Variants in SF3B3 observed in about 807,000 individuals in gnomAD.
The protein encoded by SF3B3 is splicing factor 3b subunit 3.
A neutral mutation model predicts 139.2 loss-of-function variants in SF3B3; 33 were observed. The observed-to-expected ratio is 0.24, with a 90% confidence interval of 0.18 to 0.32. The LOEUF (loss-of-function observed/expected upper bound fraction) is 0.32. SF3B3 is among the 10% of genes least tolerant of loss of function. The pLI is 1.00. For missense variants in SF3B3, 818 were observed against 1,509.4 expected (o/e 0.54, Z 7.59); for synonymous variants, 596 against 563.6 (o/e 1.06, Z -0.81).
In SF3B3 at chr16:70,568,377, G is replaced by A. The variant is rs200662374; in HGVS notation, c.3047G>A (p.Arg1016His). 53 of 1,613,678 alleles carry A rather than the reference G, an allele frequency of 3.3e-5. No individual in the cohort carries two copies. The highest frequency in any genetic ancestry group is 2.2e-5 in the East Asian group (1 of 44,890). The change falls in exon 22 of 26, where the codon CGT becomes CAT. Residue 1016 changes from arginine to histidine, a missense_variant. Arg to His is a conservative substitution (Grantham distance 29). Coordinates refer to ENST00000302516, the MANE Select transcript of SF3B3 (RefSeq NM_012426.5). Reference sequence around the variant, plus strand: ...AGTTTCATCTGGGTTCGCTACAAGCGTAATGAAAACCAGCTTATCATCTTT... The same window carrying A: ...AGTTTCATCTGGGTTCGCTACAAGCATAATGAAAACCAGCTTATCATCTTT... Reference protein sequence around the residue: ...QESFIWVRYKRNENQLIIFAD... With the variant: ...QESFIWVRYKHNENQLIIFAD...
Position 70,535,406 on chromosome 16 carries a change from A to G in SF3B3, c.811A>G (p.Ile271Val), listed in dbSNP as rs963460818. Residue 271 changes from isoleucine (I) to valine (V), a missense_variant, in exon 6 of 26, where the codon ATT (isoleucine) becomes GTT (valine). Transcript: ENST00000302516. ...FGDQPDIRCP[I>V]PRRRNDLDDP... Reference sequence around the variant, plus strand: ...TGACCAGCCAGATATCCGCTGTCCAATTCCCAGGAGGCGGGTAAGATCTTT... The same window carrying G: ...TGACCAGCCAGATATCCGCTGTCCAGTTCCCAGGAGGCGGGTAAGATCTTT... 3.1e-6 allele frequency: 5 copies of G among 1,599,354 alleles called. No individual in the cohort carries two copies. The highest frequency in any genetic ancestry group is 4.3e-6 in the Non-Finnish European group (5 of 1,168,480).
intron 10 of SF3B3, among the ~76,000 whole-genome samples, chr16:70,547,052 T>A (rs551323705): frequency 3.1e-4 from 47 of 152,192 alleles, no homozygotes; most frequent in African/African-American, 1.1e-3. Context: ...TTTTTTTAAA[T>A]TGTTGAACGT....
At chr16:70,537,101 G>A (rs115700401) in intron 6 of SF3B3, among the ~76,000 whole-genome samples, 4,841 of 152,120 alleles carry the variant, frequency 0.032, 287 homozygotes, top group African/African-American at 0.11. Flanking sequence ...GAGCCACTGC[G>A]CCTGGCCAGC....
rs557067501 is a variant in SF3B3, at chr16:70,527,672, C to A, written c.70+946C>A. On this transcript the variant is annotated intron_variant, in intron 2 of 25. Coordinates refer to ENST00000302516, the MANE Select transcript of SF3B3 (RefSeq NM_012426.5). ...GAATTTGGAGATTTGTGACTGACTTCACTATGTAATGCAATGAATCTCAGC... is the reference window on the plus strand; with the variant it reads ...GAATTTGGAGATTTGTGACTGACTTAACTATGTAATGCAATGAATCTCAGC... Among the ~76,000 whole-genome samples, 130 of 152,346 alleles carry A rather than the reference C, an allele frequency of 8.5e-4. 2 individuals carry two copies. The highest frequency in any genetic ancestry group is 8.4e-3 in the Admixed American group (128 of 15,284).
In SF3B3 at chr16:70,571,771, G is replaced by C. The variant is rs756163133; in HGVS notation, c.3612G>C (p.Val1204=). The C allele has an allele frequency of 6.2e-7, 1 of 1,613,974 alleles. No individual in the cohort carries two copies. Among genetic ancestry groups the C allele is most frequent in the African/African-American group, 1.3e-5 (1 of 74,884 alleles). The change falls in exon 26 of 26, where the codon GTG becomes GTC. Residue 1204 remains valine, a synonymous_variant. Coordinates refer to ENST00000302516, the MANE Select transcript of SF3B3 (RefSeq NM_012426.5). The part of the protein sequence containing the change: ...SEELDRTPPE[V]SKKLEDIRTR... Reference sequence around the variant, plus strand: ...AACTGGACCGAACCCCACCCGAAGTGTCCAAGAAACTCGAGGATATCCGGA... The same window carrying C: ...AACTGGACCGAACCCCACCCGAAGTCTCCAAGAAACTCGAGGATATCCGGA...
chr16:70,538,541 A>T, intron 7 of SF3B3, 81 bp downstream of exon 7: 1 of 1,256,054 alleles, frequency 8.0e-7, no homozygotes, highest in South Asian at 1.4e-5. Flanking sequence ...CAAGTTAAAA[A>T]AATGAGAACT....
Position 70,571,761 on chromosome 16 carries a change from C to T in SF3B3, c.3602C>T (p.Pro1201Leu). 1 of 1,614,166 alleles carries T rather than the reference C, an allele frequency of 6.2e-7. No homozygotes were observed. Among genetic ancestry groups the T allele is most frequent in the Non-Finnish European group, 8.5e-7 (1 of 1,180,022 alleles). ...GTCTCTGAAGAACTGGACCGAACCC[C>T]ACCCGAAGTGTCCAAGAAACTCGAG... ...KNVSEELDRT[P>L]PEVSKKLEDI... Residue 1201 changes from proline to leucine, a missense_variant, in exon 26 of 26, where the codon CCA (proline) becomes CTA (leucine). By Grantham distance (98) the Pro-to-Leu change is moderately conservative. This residue lies in a region of SF3B3 where 28 missense variants were observed against 59.1 expected (regional missense o/e 0.47). Transcript: ENST00000302516.
In SF3B3 at chr16:70,567,690, G is replaced by GT. The variant is rs555414721; in HGVS notation, c.2952+160dup. Reference sequence around the variant, plus strand: ...TTCAGAATTATGCCCTTGTTTTTTTGTTTTTTGGTTTTTGAGACGGAGTCT... The same window carrying GT: ...TTCAGAATTATGCCCTTGTTTTTTTGTTTTTTTGGTTTTTGAGACGGAGTCT... On this transcript the variant is annotated intron_variant, in intron 21 of 25. Transcript: ENST00000302516. The GT allele has an allele frequency of 1.6e-3, 1,623 of 1,022,952 alleles. 5 individuals are homozygous for GT. The highest frequency in any genetic ancestry group is 1.9e-3 in the South Asian group (99 of 52,018). The allele number at this position is 1,022,952 out of a possible 1,614,324, so 63.4% of individuals were successfully genotyped here.
At chr16:70,556,451 C>T in intron 14 of SF3B3, 117 bp downstream of exon 14, 2 of 1,138,174 alleles carry the variant, frequency 1.8e-6, no homozygotes, top group East Asian at 2.4e-5. Context: ...TGGGTTAGAA[C>T]CCAGAATCCA....
chr16:70,570,104 C>G lies in SF3B3; in HGVS notation c.3363C>G (p.Thr1121=). ...GCTCAGAATCACTTGTCTATACCAC[C>G]TTGTCTGGAGGAATTGGCATCCTTG... ...PGGSESLVYT[T]LSGGIGILVP... Residue 1121 remains threonine (T), a synonymous_variant, in exon 24 of 26, where the codon ACC becomes ACG. Coordinates refer to ENST00000302516, the MANE Select transcript of SF3B3 (RefSeq NM_012426.5). 6.2e-7 allele frequency: 1 copy of G among 1,614,092 alleles called. No individual in the cohort carries two copies. The highest frequency in any genetic ancestry group is 8.5e-7 in the Non-Finnish European group (1 of 1,180,020).
intron 9 of SF3B3, among the ~76,000 whole-genome samples, chr16:70,543,693 G>C (rs1302820544): frequency 1.3e-5 from 2 of 151,938 alleles, no homozygotes; most frequent in Non-Finnish European, 2.9e-5. Flanking sequence ...CGGTGACAGA[G>C]TGAGACTCTG....
At chr16:70,524,025 C>G (rs1011123903) in intron 1 of SF3B3, 97 bp downstream of exon 1, 1 of 406,850 alleles carries the variant, frequency 2.5e-6, no homozygotes, top group African/African-American at 2.1e-5. Context: ...CACGGGCAGT[C>G]TAGGCCCGAG....
At position 70,572,318 on chromosome 16, in the gene SF3B3, T is replaced by C. The variant is rs1362609933; in HGVS notation, c.*505T>C. On this transcript the variant is annotated 3_prime_UTR_variant, in exon 26 of 26. Coordinates refer to ENST00000302516, the MANE Select transcript of SF3B3 (RefSeq NM_012426.5). ...AGGTGACTGGCATCCATGTGTCTTGTTCTGGAGATGAGGATGTAGGTGGGA... is the reference window on the plus strand; with the variant it reads ...AGGTGACTGGCATCCATGTGTCTTGCTCTGGAGATGAGGATGTAGGTGGGA... 3.3e-6 allele frequency: 1 copy of C among 302,874 alleles called. No homozygotes were observed. The highest frequency in any genetic ancestry group is 2.2e-5 in the African/African-American group (1 of 44,500). The allele number at this position is 302,874 out of a possible 1,614,324, so 18.8% of individuals were successfully genotyped here. A position where few individuals can be genotyped will look rare whatever the true frequency, so the allele number is the denominator to read the frequency against.
intron 20 of SF3B3, among the ~76,000 whole-genome samples, chr16:70,565,986 A>C (rs2050472249): frequency 6.6e-6 from 1 of 152,038 alleles, no homozygotes; most frequent in Non-Finnish European, 1.5e-5. Context: ...GCATGGCGGC[A>C]CGCACCTGTA....
rs569081353 is a variant in SF3B3 at position 70,537,353 on chromosome 16, A to G, written c.826-970A>G. 2.6e-5 allele frequency among the ~76,000 whole-genome samples: 4 copies of G among 152,256 alleles called. No homozygotes were observed. In the South Asian group the frequency reaches 8.3e-4, roughly 32 times the overall value. On this transcript the variant is annotated intron_variant, in intron 6 of 25. Coordinates refer to ENST00000302516, the MANE Select transcript of SF3B3 (RefSeq NM_012426.5). ...ATTGTTTCTTTTTTGGTAACTGATA[A>G]TGGAATTTGATGGTGATCTTTGAGA...
At position 70,571,151 on chromosome 16, in the gene SF3B3, C is replaced by G; in HGVS notation, c.3465C>G (p.Leu1155=). The G allele has an allele frequency of 6.2e-7, 1 of 1,614,126 alleles. No homozygotes were observed. The highest frequency in any genetic ancestry group is 8.5e-7 in the Non-Finnish European group (1 of 1,179,996). ...ACCTGCGGTCTGAACATCCCCCTCT[C>G]TGTGGGCGGGACCACCTCAGCTTTC... The part of the protein sequence containing the change: ...EMHLRSEHPP[L]CGRDHLSFRS... Residue 1155 remains leucine (L), a synonymous_variant, in exon 25 of 26, where the codon CTC becomes CTG. Transcript: ENST00000302516.
At chr16:70,539,248 A>T (rs2050196264) in intron 8 of SF3B3, 41 bp downstream of exon 8, 1 of 1,463,506 alleles carries the variant, frequency 6.8e-7, no homozygotes, top group Admixed American at 1.7e-5. Flanking sequence ...CCTGGTTGGG[A>T]TAAAAGTTGG....
At chr16:70,554,425 C>T (rs780951278) in intron 11 of SF3B3, 21 bp from the exon 12 acceptor site, 7 of 1,612,776 alleles carry the variant, frequency 4.3e-6, no homozygotes, top group Non-Finnish European at 5.9e-6. Flanking sequence ...ATCTAACCAA[C>T]TCCCTTCTTT....
At chr16:70,525,955 C>A in intron 1 of SF3B3, among the ~76,000 whole-genome samples, 2 of 104,162 alleles carry the variant, frequency 1.9e-5, no homozygotes, top group Non-Finnish European at 1.9e-5. Context: ...ATTGAGACGC[C>A]TCAAAAAAAA....
Sources: allele counts gnomAD v4.1 joint callset (sites outside exome capture counted in the v4.1 genomes callset), GRCh38; gene constraint gnomAD v4.1.1; regional missense constraint gnomAD v4.1.1; transcripts MANE v1.5; gene names NCBI Gene and HGNC (gene_info 2026-07-23, HGNC 2026-07-21).